FLT1: variants seen among roughly 807,000 people sequenced by gnomAD.
FLT1 encodes the protein vascular endothelial growth factor receptor 1.
Under a neutral mutation model 156.3 loss-of-function variants are expected in FLT1, and 49 were observed. That is an observed-to-expected ratio of 0.31 (90% CI 0.25 to 0.40). The LOEUF (loss-of-function observed/expected upper bound fraction) is 0.40. FLT1 is among the 10% of genes least tolerant of loss of function. FLT1 has a pLI of 1.00. For missense variants in FLT1, 1,322 were observed against 1,637.2 expected, an observed-to-expected ratio of 0.81 and a Z score of 3.32; for synonymous variants, 594 against 583.8, an observed-to-expected ratio of 1.02 and a Z score of -0.25.
intron 3 of FLT1, among the ~76,000 whole-genome samples, chr13:28,442,603 G>C (rs1296150076): frequency 6.6e-6 from 1 of 151,956 alleles, no homozygotes; most frequent in South Asian, 2.1e-4. Flanking sequence ...TCAGTGATTT[G>C]TGTCCCTCCA....
At chr13:28,378,687 A>T (rs1444216833) in intron 14 of FLT1, among the ~76,000 whole-genome samples, 3 of 152,210 alleles carry the variant, frequency 2.0e-5, no homozygotes, top group African/African-American at 7.2e-5. Context: ...AATGAAAAGC[A>T]AACAAATTAG....
At chr13:28,379,614 G>A (rs1034853624) in intron 14 of FLT1, among the ~76,000 whole-genome samples, 2 of 152,210 alleles carry the variant, frequency 1.3e-5, no homozygotes, top group Admixed American at 1.3e-4. Flanking sequence ...GAGGTACTCA[G>A]GCAGTGTGGT....
At chr13:28,363,308 G>A (rs978172413) in intron 14 of FLT1, among the ~76,000 whole-genome samples, 1 of 152,288 alleles carries the variant, frequency 6.6e-6, no homozygotes, top group Middle Eastern at 3.4e-3. Flanking sequence ...GATGATCAGA[G>A]GTCAACATCT....
At chr13:28,410,024 C>T (rs900816019) in intron 10 of FLT1, among the ~76,000 whole-genome samples, 1 of 152,214 alleles carries the variant, frequency 6.6e-6, no homozygotes, top group African/African-American at 2.4e-5. Flanking sequence ...CTTTGTCACC[C>T]TGCAGTTCCT....
At chr13:28,473,673 G>GAAAGAA (rs751712799) in intron 1 of FLT1, among the ~76,000 whole-genome samples, 230 of 106,000 alleles carry the variant, frequency 2.2e-3, no homozygotes, top group South Asian at 6.0e-3. Context: ...AAGAAAGAAA[G>GAAAGAA]AGAGAGAGAG....
At chr13:28,391,823 T>C (rs764043526) in intron 12 of FLT1, among the ~76,000 whole-genome samples, 5 of 152,158 alleles carry the variant, frequency 3.3e-5, no homozygotes, top group Non-Finnish European at 5.9e-5. Context: ...TTTCTTAGTA[T>C]CATTTTGGCC....
intron 3 of FLT1, among the ~76,000 whole-genome samples, chr13:28,456,148 A>G (rs1191745266): frequency 6.6e-6 from 1 of 152,206 alleles, no homozygotes; most frequent in Non-Finnish European, 1.5e-5. Context: ...GAAGAATTAC[A>G]TCCACCCAAA....
intron 6 of FLT1, among the ~76,000 whole-genome samples, chr13:28,432,948 A>G (rs973751059): frequency 1.3e-5 from 2 of 152,244 alleles, no homozygotes; most frequent in African/African-American, 4.8e-5. Flanking sequence ...GTGTCCCTAC[A>G]GGGCACTCGT....
At chr13:28,494,321 G>A (rs1212284522) in intron 1 of FLT1, among the ~76,000 whole-genome samples, 1 of 152,190 alleles carries the variant, frequency 6.6e-6, no homozygotes, top group Non-Finnish European at 1.5e-5. Flanking sequence ...CCTCAGCCCA[G>A]CCCCGGGCAG....
At chr13:28,451,676 G>T (rs1162771276) in intron 3 of FLT1, among the ~76,000 whole-genome samples, 1 of 147,774 alleles carries the variant, frequency 6.8e-6, no homozygotes. Context: ...GCAGGAGTCA[G>T]GGGAGGAGTC....
chr13:28,342,349 C>G (rs1182720501), intron 16 of FLT1, among the ~76,000 whole-genome samples: 1 of 152,176 alleles, frequency 6.6e-6, no homozygotes, highest in Admixed American at 6.5e-5. Flanking sequence ...GTTTTTTCTC[C>G]CCTTCTCCTC....
intron 3 of FLT1, among the ~76,000 whole-genome samples, chr13:28,466,522 T>C (rs912633824): frequency 2.0e-5 from 3 of 152,242 alleles, no homozygotes; most frequent in African/African-American, 7.2e-5. Flanking sequence ...AGTTCCAACA[T>C]ATAAGAGAAT....
chr13:28,495,038 C>G lies in FLT1; in HGVS notation c.-195G>C, dbSNP rs1881693364. On this transcript the variant is annotated 5_prime_UTR_variant, in exon 1 of 30. Coordinates refer to ENST00000282397, the MANE Select transcript of FLT1 (RefSeq NM_002019.4). This position sits in a 1 kb window ranked among gnomAD's most constrained non-coding sequence, Gnocchi z 4.1. ...CGCCCGCTGGCCGCTGCACCCGAGCCCCGGAGCCCGCTCCGAGCCGCCGCC... is the reference window on the plus strand; with the variant it reads ...CGCCCGCTGGCCGCTGCACCCGAGCGCCGGAGCCCGCTCCGAGCCGCCGCC... 2.1e-6 allele frequency: 1 copy of G among 485,288 alleles called. No individual in the cohort carries two copies. The highest frequency in any genetic ancestry group is 4.4e-5 in the Admixed American group (1 of 22,740). The allele number at this position is 485,288 out of a possible 1,614,324, so 30.1% of individuals were successfully genotyped here.
At chr13:28,373,692 T>C (rs1011374235) in intron 14 of FLT1, among the ~76,000 whole-genome samples, 1 of 152,164 alleles carries the variant, frequency 6.6e-6, no homozygotes, top group Non-Finnish European at 1.5e-5. Flanking sequence ...CAATCTTTAG[T>C]GTAGGGAGGA....
At chr13:28,455,131 T>C (rs1342987514) in intron 3 of FLT1, among the ~76,000 whole-genome samples, 1 of 152,178 alleles carries the variant, frequency 6.6e-6, no homozygotes, top group Non-Finnish European at 1.5e-5. Context: ...GAAGTTACTT[T>C]GTGGATATGG....
In FLT1 at chr13:28,428,018, A is replaced by G. The variant is rs867049475; in HGVS notation, c.1107-97T>C. 88 of 1,013,336 alleles carry G rather than the reference A, an allele frequency of 8.7e-5. 1 individual carries two copies. In the South Asian group the frequency reaches 1.1e-3, roughly 13 times the overall value. 62.8% of individuals were successfully genotyped at this position (1,013,336 alleles called of 1,614,324 possible). On this transcript the variant is annotated intron_variant, in intron 8 of 29. Transcript: ENST00000282397. ...GAAGTTTTTGAGCTCAAGTTGACCA[A>G]TTTCAAACCTTTGATCATCAGTGTT... is the stretch of plus-strand genomic sequence containing the variant.
At chr13:28,364,892 T>TTTTCAAGACC (rs1873234289) in intron 14 of FLT1, among the ~76,000 whole-genome samples, 1 of 152,200 alleles carries the variant, frequency 6.6e-6, no homozygotes, top group Non-Finnish European at 1.5e-5. Flanking sequence ...CACCAGATAG[T>TTTTCAAGACC]TTTCAAAATG....
intron 27 of FLT1, among the ~76,000 whole-genome samples, chr13:28,309,884 CTTTTTTTTTT>C (rs60568918): frequency 1.1e-3 from 99 of 90,884 alleles, no homozygotes; most frequent in African/African-American, 4.1e-3. Context: ...TTCTTTTTTC[CTTTTTTTTTT>C]TTTTTTTTTT....
At position 28,364,131 on chromosome 13, in the gene FLT1, T is replaced by G. The variant is rs144129070; in HGVS notation, c.2117-6446A>C. Among the ~76,000 whole-genome samples, 17 of 152,364 alleles carry G rather than the reference T, an allele frequency of 1.1e-4. No homozygotes were observed. In the East Asian group the frequency reaches 2.1e-3, roughly 19 times the overall value. On this transcript the variant is annotated intron_variant, in intron 14 of 29. Coordinates refer to ENST00000282397, the MANE Select transcript of FLT1 (RefSeq NM_002019.4). ...CTTTATATGTTTGGGATGCTAATTC[T>G]TTGTTGGCTTAATACGTTTCAAGTC...
Sources: gnomAD v4.1 joint callset for allele counts (sites outside exome capture counted in the v4.1 genomes callset) on GRCh38, gnomAD v4.1.1 for gene constraint, Gnocchi (gnomAD v3.1) non-coding constraint, MANE v1.5 for transcripts, NCBI Gene and HGNC (gene_info 2026-07-23, HGNC 2026-07-21) for gene names.